The following NLGN1 variants were observed in gnomAD, a reference collection of about 807,000 sequenced individuals.
NLGN1 encodes neuroligin-1.
A neutral mutation model predicts 65.5 loss-of-function variants in NLGN1; 12 were observed. The observed-to-expected ratio is 0.18, with a 90% CI of 0.12 to 0.30. The LOEUF (loss-of-function observed/expected upper bound fraction) is 0.30, where lower values mean the gene tolerates loss of function less well. Among genes scored for constraint, NLGN1 ranks in the 10% least tolerant of loss-of-function variants. The pLI is 1.00. For synonymous variants in NLGN1, 350 were observed against 359.5 expected, an observed-to-expected ratio of 0.97 and a Z score of 0.30; for missense variants, 750 against 1,007.1, an observed-to-expected ratio of 0.74 and a Z score of 3.46.
intron 4 of NLGN1, among the ~76,000 whole-genome samples, chr3:174,085,203 C>G (rs1743004086): frequency 6.6e-6 from 1 of 151,908 alleles, no homozygotes; most frequent in Non-Finnish European, 1.5e-5. Flanking sequence ...GTATTATATT[C>G]TCTTTACTGT....
At chr3:173,837,728 C>T (rs1055646013) in intron 4 of NLGN1, among the ~76,000 whole-genome samples, 1 of 152,106 alleles carries the variant, frequency 6.6e-6, no homozygotes, top group Admixed American at 6.6e-5. Context: ...AGCATACTTA[C>T]ATATACATTT....
At chr3:174,272,048 T>C (rs1749499088) in intron 4 of NLGN1, among the ~76,000 whole-genome samples, 1 of 151,694 alleles carries the variant, frequency 6.6e-6, no homozygotes, top group African/African-American at 2.4e-5. Context: ...GTCAATGTGT[T>C]ACAATAATAA....
intron 4 of NLGN1, among the ~76,000 whole-genome samples, chr3:173,864,070 T>C (rs1475458413): frequency 6.6e-6 from 1 of 152,200 alleles, no homozygotes; most frequent in Non-Finnish European, 1.5e-5. Context: ...TTTAAACATT[T>C]TTGCTTTGTT....
intron 2 of NLGN1, among the ~76,000 whole-genome samples, chr3:173,551,627 T>C (rs189542694): frequency 2.6e-5 from 4 of 152,332 alleles, no homozygotes; most frequent in Admixed American, 2.6e-4. Context: ...TAAGGATTAT[T>C]ATAATTACTT....
At chr3:173,398,716 G>A (rs1242995555) in intron 1 of NLGN1, among the ~76,000 whole-genome samples, 2 of 152,114 alleles carry the variant, frequency 1.3e-5, no homozygotes, top group African/African-American at 4.8e-5. Context: ...TAACACTTGG[G>A]AAACGTGAAT....
intron 4 of NLGN1, among the ~76,000 whole-genome samples, chr3:173,827,029 T>C (rs1443058812): frequency 1.3e-5 from 2 of 152,054 alleles, no homozygotes; most frequent in East Asian, 3.9e-4. Context: ...AAAATCTACC[T>C]CTGATTAGGT....
chr3:174,236,188 G>A (rs572392617), intron 4 of NLGN1, among the ~76,000 whole-genome samples: 224 of 152,176 alleles, frequency 1.5e-3, no homozygotes, highest in African/African-American at 5.4e-3. Context: ...TGCCTCAGGT[G>A]CTTGAAAAGA....
At chr3:173,845,270 G>T (rs575305633) in intron 4 of NLGN1, among the ~76,000 whole-genome samples, 2 of 152,128 alleles carry the variant, frequency 1.3e-5, no homozygotes, top group East Asian at 3.9e-4. Flanking sequence ...GTCGAATCCT[G>T]GAGTTTTATT....
intron 4 of NLGN1, among the ~76,000 whole-genome samples, chr3:174,273,147 T>A (rs975224323): frequency 6.6e-6 from 1 of 151,682 alleles, no homozygotes; most frequent in Non-Finnish European, 1.5e-5. Flanking sequence ...ATGCTACACA[T>A]TGAATGATGA....
intron 4 of NLGN1, among the ~76,000 whole-genome samples, chr3:173,812,279 C>T (rs1173387641): frequency 6.6e-6 from 1 of 152,090 alleles, no homozygotes; most frequent in African/African-American, 2.4e-5. Context: ...TTGTTTAAAA[C>T]AAGCTTTTGT....
intron 3 of NLGN1, among the ~76,000 whole-genome samples, chr3:173,609,633 CATTT>C (rs1412129099): frequency 2.0e-5 from 3 of 151,942 alleles, no homozygotes; most frequent in African/African-American, 7.2e-5. Flanking sequence ...TTTACTTATT[CATTT>C]GACAACTATT....
intron 4 of NLGN1, among the ~76,000 whole-genome samples, chr3:173,855,657 C>T (rs1727812380): frequency 6.6e-6 from 1 of 152,016 alleles, no homozygotes; most frequent in Non-Finnish European, 1.5e-5. Context: ...AAAAAGTTGC[C>T]AATACTAACA....
intron 4 of NLGN1, among the ~76,000 whole-genome samples, chr3:173,828,866 AAC>A (rs1721898730): frequency 6.6e-6 from 1 of 151,954 alleles, no homozygotes; most frequent in African/African-American, 2.4e-5. Flanking sequence ...AGATCAGATA[AAC>A]CATGAGAGTA....
At chr3:174,112,395 T>G (rs1715429935) in intron 4 of NLGN1, among the ~76,000 whole-genome samples, 1 of 151,908 alleles carries the variant, frequency 6.6e-6, no homozygotes, top group African/African-American at 2.4e-5. Context: ...GAGAACAAAT[T>G]GACAACATAG....
chr3:173,457,539 G>A (rs1560282332), intron 2 of NLGN1, among the ~76,000 whole-genome samples: 1 of 152,048 alleles, frequency 6.6e-6, no homozygotes, highest in Non-Finnish European at 1.5e-5. Flanking sequence ...CATGTAACAG[G>A]AAGGCCCTTG....
At chr3:173,698,436 G>C (rs544198043) in intron 3 of NLGN1, among the ~76,000 whole-genome samples, 97 of 152,208 alleles carry the variant, frequency 6.4e-4, no homozygotes, top group African/African-American at 2.3e-3. Context: ...ATGGCTTCTG[G>C]TCGTCTGATG....
chr3:174,093,931 G>C (rs1164089325), intron 4 of NLGN1, among the ~76,000 whole-genome samples: 3 of 151,796 alleles, frequency 2.0e-5, no homozygotes, highest in African/African-American at 7.3e-5. Flanking sequence ...TATATCTCAT[G>C]AATAAAATTT....
At chr3:173,761,115 G>T (rs1777908408) in intron 3 of NLGN1, among the ~76,000 whole-genome samples, 1 of 151,986 alleles carries the variant, frequency 6.6e-6, no homozygotes. Context: ...ACTCAGTCTT[G>T]CCCTTTTTGC....
intron 4 of NLGN1, among the ~76,000 whole-genome samples, chr3:174,246,394 GA>G (rs2152837035): frequency 6.6e-6 from 1 of 152,212 alleles, no homozygotes; most frequent in East Asian, 1.9e-4. Flanking sequence ...TATTCTTGAG[GA>G]AAAACTTACT....
Sources: allele counts gnomAD v4.1 joint callset (sites outside exome capture counted in the v4.1 genomes callset), GRCh38; gene constraint gnomAD v4.1.1; transcripts MANE v1.5; gene names NCBI Gene and HGNC (gene_info 2026-07-23, HGNC 2026-07-21).